The following SHLD1 variants were observed in gnomAD, a reference collection of about 807,000 sequenced individuals.
SHLD1 encodes RINN1-REV7-interacting novel NHEJ regulator 3.
SHLD1 carries 3 observed loss-of-function variants against 5.5 expected under a neutral mutation model. The ratio of observed to expected loss-of-function variants is 0.54; its 90% confidence interval spans 0.25 to 1.40. The LOEUF is 1.40. SHLD1 is among the 40% of genes most tolerant of loss of function. SHLD1 has a pLI of 0.15. For missense variants in SHLD1, 210 were observed against 244.4 expected (o/e 0.86, Z 0.94); for synonymous variants, 92 against 94.3 (o/e 0.98, Z 0.14).
intron 2 of SHLD1, among the ~76,000 whole-genome samples, chr20:5,827,092 GAGAGCTTAATGA>G (rs1200378125): frequency 1.3e-5 from 2 of 151,644 alleles, no homozygotes; most frequent in African/African-American, 4.9e-5. Flanking sequence ...GTAAAGTGAG[GAGAGCTTAATGA>G]AGAGCTTATG....
At chr20:5,793,098 G>A (rs1415596896) in intron 2 of SHLD1, among the ~76,000 whole-genome samples, 1 of 152,126 alleles carries the variant, frequency 6.6e-6, no homozygotes, top group African/African-American at 2.4e-5. Flanking sequence ...TATACGTAAG[G>A]GTTTATTTCT....
At chr20:5,828,052 T>C (rs1004508855) in intron 2 of SHLD1, among the ~76,000 whole-genome samples, 4 of 152,222 alleles carry the variant, frequency 2.6e-5, no homozygotes, top group African/African-American at 9.7e-5. Context: ...GTGGTGTTAG[T>C]TATAAAGAGT....
intron 2 of SHLD1, among the ~76,000 whole-genome samples, chr20:5,831,007 AG>A (rs1328130827): frequency 6.6e-6 from 1 of 152,152 alleles, no homozygotes; most frequent in Non-Finnish European, 1.5e-5. Flanking sequence ...TTTAATAAAA[AG>A]TAAAAAAAAA....
At chr20:5,823,740 G>A (rs1048366306) in intron 2 of SHLD1, among the ~76,000 whole-genome samples, 4 of 151,992 alleles carry the variant, frequency 2.6e-5, no homozygotes, top group African/African-American at 4.8e-5. Flanking sequence ...GAGTCACCGC[G>A]CCCAGCCAAA....
chr20:5,825,457 A>G (rs190090992), intron 2 of SHLD1, among the ~76,000 whole-genome samples: 1 of 152,324 alleles, frequency 6.6e-6, no homozygotes, highest in East Asian at 1.9e-4. Context: ...CTGACTAGGG[A>G]GCATTTTCCC....
intron 2 of SHLD1, among the ~76,000 whole-genome samples, chr20:5,849,509 G>A (rs1465484614): frequency 6.6e-6 from 1 of 152,112 alleles, no homozygotes; most frequent in Non-Finnish European, 1.5e-5. Context: ...CAGCCCTCTG[G>A]GACATAACTG....
intron 2 of SHLD1, among the ~76,000 whole-genome samples, chr20:5,861,412 G>A (rs2088160910): frequency 6.6e-6 from 1 of 152,202 alleles, no homozygotes; most frequent in South Asian, 2.1e-4. Context: ...TGAGGGACAT[G>A]ATCTTCAGCA....
chr20:5,780,416 A>T (rs574530448), intron 2 of SHLD1, among the ~76,000 whole-genome samples: 91 of 152,312 alleles, frequency 6.0e-4, no homozygotes, highest in African/African-American at 1.9e-3. Flanking sequence ...AGCAACAGGC[A>T]CGCTGGAGAG....
chr20:5,757,582 T>A (rs917309325), intron 1 of SHLD1, among the ~76,000 whole-genome samples: 3 of 152,136 alleles, frequency 2.0e-5, no homozygotes, highest in Non-Finnish European at 4.4e-5. Context: ...ATTCTACTAA[T>A]GTAGCATATT....
At chr20:5,808,969 G>A (rs1211521704) in intron 2 of SHLD1, among the ~76,000 whole-genome samples, 1 of 152,116 alleles carries the variant, frequency 6.6e-6, no homozygotes, top group Non-Finnish European at 1.5e-5. Flanking sequence ...AAATTAATAT[G>A]CCATGAAGGA....
intron 2 of SHLD1, among the ~76,000 whole-genome samples, chr20:5,825,967 AT>A (rs2087660953): frequency 6.6e-6 from 1 of 152,146 alleles, no homozygotes; most frequent in Non-Finnish European, 1.5e-5. Flanking sequence ...CAGGGTTGGG[AT>A]GTGAGTGCCA....
chr20:5,836,096 T>G (rs949635239), intron 2 of SHLD1, among the ~76,000 whole-genome samples: 12 of 127,736 alleles, frequency 9.4e-5, no homozygotes, highest in African/African-American at 1.9e-4. Flanking sequence ...CAACTGGTTG[T>G]TTTTTTTTTT....
At chr20:5,761,968 CT>C (rs1456676312) in intron 1 of SHLD1, among the ~76,000 whole-genome samples, 3 of 150,638 alleles carry the variant, frequency 2.0e-5, no homozygotes, top group African/African-American at 7.3e-5. Flanking sequence ...TTTTTTTTCA[CT>C]AAAAATTACA....
intron 2 of SHLD1, among the ~76,000 whole-genome samples, chr20:5,812,862 G>A (rs1316756635): frequency 3.3e-5 from 5 of 151,904 alleles, no homozygotes; most frequent in Non-Finnish European, 7.4e-5. Context: ...CTCTTTAAGG[G>A]GCTTTTTATT....
chr20:5,812,608 A>G (rs775802561), intron 2 of SHLD1, among the ~76,000 whole-genome samples: 8 of 152,208 alleles, frequency 5.3e-5, no homozygotes, highest in Non-Finnish European at 8.8e-5. Context: ...CATGAATGAG[A>G]AGTAGCTTTG....
intron 1 of SHLD1, chr20:5,765,247 T>G (rs1297605635): frequency 6.6e-6 from 1 of 151,498 alleles, no homozygotes; most frequent in Non-Finnish European, 1.5e-5. Flanking sequence ...TCATATTTGT[T>G]TATTTATTTA....
chr20:5,764,139 AATATATATATATT>A (rs1394023296), intron 1 of SHLD1, among the ~76,000 whole-genome samples: 1,665 of 95,652 alleles, frequency 0.017, 27 homozygotes, highest in Non-Finnish European at 0.025. Flanking sequence ...AAAAAAAAAA[AATATATATATATT>A]TATATTTATA....
chr20:5,861,358 G>T (rs367831780), intron 2 of SHLD1, among the ~76,000 whole-genome samples: 1 of 152,346 alleles, frequency 6.6e-6, no homozygotes. Context: ...TTTAATGTCT[G>T]TAACGATGTC....
chr20:5,848,429 GAA>G (rs1208711999), intron 2 of SHLD1, among the ~76,000 whole-genome samples: 1 of 152,204 alleles, frequency 6.6e-6, no homozygotes, highest in Non-Finnish European at 1.5e-5. Context: ...TGAGGCACAA[GAA>G]TCACTTGAAC....
Sources: allele counts gnomAD v4.1 joint callset (sites outside exome capture counted in the v4.1 genomes callset), GRCh38; gene constraint gnomAD v4.1.1; transcripts MANE v1.5; gene names NCBI Gene and HGNC (gene_info 2026-07-23, HGNC 2026-07-21).